The following GRM5 variants were observed in gnomAD, a reference collection of about 807,000 sequenced individuals.
GRM5 encodes the protein glutamate metabotropic receptor 5.
A neutral mutation model predicts 83.1 loss-of-function variants in GRM5; 19 were observed. That is an observed-to-expected ratio of 0.23 (90% CI 0.16 to 0.34). The LOEUF (loss-of-function observed/expected upper bound fraction) is 0.34. Among genes scored for constraint, GRM5 ranks in the 10% least tolerant of loss-of-function variants. GRM5 has a pLI of 1.00. For missense variants in GRM5, 1,160 were observed against 1,588.3 expected, an observed-to-expected ratio of 0.73 and a Z score of 4.58; for synonymous variants, 675 against 633.6, an observed-to-expected ratio of 1.07 and a Z score of -0.98.
At chr11:88,811,402 T>G (rs1314367353) in intron 3 of GRM5, among the ~76,000 whole-genome samples, 1 of 152,140 alleles carries the variant, frequency 6.6e-6, no homozygotes, top group Admixed American at 6.6e-5. Flanking sequence ...GTTTGAATAT[T>G]TTATAACAAA....
chr11:88,673,125 G>C (rs1263515321), intron 3 of GRM5, among the ~76,000 whole-genome samples: 1 of 151,908 alleles, frequency 6.6e-6, no homozygotes, highest in East Asian at 1.9e-4. Context: ...TTTTATAGAT[G>C]ACTCTTATTT....
At chr11:88,683,455 A>C (rs1940546004) in intron 3 of GRM5, among the ~76,000 whole-genome samples, 1 of 152,126 alleles carries the variant, frequency 6.6e-6, no homozygotes, top group Non-Finnish European at 1.5e-5. Flanking sequence ...TTATAAATTG[A>C]TTTTCCTTCT....
chr11:88,631,678 T>C (rs1284834424), intron 4 of GRM5, among the ~76,000 whole-genome samples: 1 of 152,174 alleles, frequency 6.6e-6, no homozygotes, highest in Admixed American at 6.6e-5. Flanking sequence ...TCACTCCTGT[T>C]CATTTCACAG....
At chr11:88,948,302 C>T (rs1216438239) in intron 2 of GRM5, among the ~76,000 whole-genome samples, 1 of 152,098 alleles carries the variant, frequency 6.6e-6, no homozygotes, top group African/African-American at 2.4e-5. Flanking sequence ...GGTATTCAAA[C>T]CAGTTTGAGT....
chr11:88,844,147 G>T (rs1944256311), intron 3 of GRM5, among the ~76,000 whole-genome samples: 1 of 152,124 alleles, frequency 6.6e-6, no homozygotes, highest in Non-Finnish European at 1.5e-5. Context: ...ATTGTCAAAG[G>T]ACAGACTAAC....
chr11:88,704,808 T>G (rs1941116953), intron 3 of GRM5, among the ~76,000 whole-genome samples: 2 of 152,066 alleles, frequency 1.3e-5, no homozygotes, highest in Non-Finnish European at 2.9e-5. Context: ...TTTTCTGTTC[T>G]CTCCTAACTA....
At chr11:88,878,089 T>C (rs768050351) in intron 2 of GRM5, among the ~76,000 whole-genome samples, 25 of 151,852 alleles carry the variant, frequency 1.6e-4, no homozygotes, top group South Asian at 4.2e-4. Context: ...CCAAGAGAAA[T>C]AGCAATTTAT....
At chr11:88,630,307 T>G (rs1938927357) in intron 4 of GRM5, among the ~76,000 whole-genome samples, 1 of 152,194 alleles carries the variant, frequency 6.6e-6, no homozygotes, top group Non-Finnish European at 1.5e-5. Context: ...TCTGTTTTGT[T>G]TACTTCTGTA....
At position 88,761,729 on chromosome 11, in the gene GRM5, A is replaced by G. The variant is rs553501144; in HGVS notation, c.911+88177T>C. ...TTAAAATTCATCTGGAACCAAAAAA[A>G]GGTTCCGAATAGCCAAGACAATTCC... On this transcript the variant is annotated intron_variant, in intron 3 of 9. Coordinates refer to ENST00000305447, the MANE Select transcript of GRM5 (RefSeq NM_001143831.3). Among the ~76,000 whole-genome samples, 3 of 152,174 alleles carry G rather than the reference A, an allele frequency of 2.0e-5. No homozygotes were observed. In the South Asian group the frequency reaches 6.2e-4, roughly 32 times the overall value.
At chr11:88,756,468 G>A (rs533861381) in intron 3 of GRM5, among the ~76,000 whole-genome samples, 27 of 152,148 alleles carry the variant, frequency 1.8e-4, no homozygotes, top group Admixed American at 1.6e-3. Context: ...TATAAAATAA[G>A]AGATAAGACA....
At chr11:89,036,675 CCCCAAAG>C (rs1941393656) in intron 2 of GRM5, among the ~76,000 whole-genome samples, 2 of 29,434 alleles carry the variant, frequency 6.8e-5, no homozygotes, top group Non-Finnish European at 1.3e-4. Flanking sequence ...CTCAAATTTG[CCCCAAAG>C]TCCCTCAACT....
intron 2 of GRM5, among the ~76,000 whole-genome samples, chr11:89,039,004 G>A (rs1941461827): frequency 1.3e-5 from 2 of 152,072 alleles, no homozygotes; most frequent in South Asian, 2.1e-4. Context: ...GGTGGCTCAC[G>A]TCTGTGATCC....
chr11:88,841,338 T>A (rs1411710794), intron 3 of GRM5, among the ~76,000 whole-genome samples: 1 of 152,306 alleles, frequency 6.6e-6, no homozygotes, highest in East Asian at 1.9e-4. Context: ...GCCAAATATC[T>A]TTGTAAAATT....
At chr11:88,824,752 G>T (rs1378136273) in intron 3 of GRM5, among the ~76,000 whole-genome samples, 3 of 152,174 alleles carry the variant, frequency 2.0e-5, no homozygotes, top group Admixed American at 1.3e-4. Flanking sequence ...ACAGGCCACA[G>T]ACCTGTACTG....
intron 2 of GRM5, among the ~76,000 whole-genome samples, chr11:88,909,020 C>T (rs1325459782): frequency 2.6e-5 from 4 of 152,144 alleles, no homozygotes; most frequent in East Asian, 1.9e-4. Flanking sequence ...ACTTTGAGGC[C>T]GAAGTCCTTT....
At chr11:88,840,126 A>G (rs1241780359) in intron 3 of GRM5, among the ~76,000 whole-genome samples, 1 of 152,256 alleles carries the variant, frequency 6.6e-6, no homozygotes, top group African/African-American at 2.4e-5. Context: ...TTAACTTAAC[A>G]CATTTAAGGA....
At chr11:89,054,206 G>A (rs1941823076) in intron 1 of GRM5, among the ~76,000 whole-genome samples, 1 of 152,164 alleles carries the variant, frequency 6.6e-6, no homozygotes, top group Non-Finnish European at 1.5e-5. Flanking sequence ...GTAAGTACAA[G>A]TGGTGAGAAC....
At chr11:88,855,188 T>C (rs964259519) in intron 2 of GRM5, among the ~76,000 whole-genome samples, 2 of 151,954 alleles carry the variant, frequency 1.3e-5, no homozygotes, top group Non-Finnish European at 2.9e-5. Context: ...GTATCTTTAC[T>C]TCTCTTTCCA....
At chr11:88,970,140 A>T (rs1442684479) in intron 2 of GRM5, among the ~76,000 whole-genome samples, 1 of 152,124 alleles carries the variant, frequency 6.6e-6, no homozygotes, top group African/African-American at 2.4e-5. Flanking sequence ...TTATAAAGAT[A>T]ATATTAGTTT....
Sources: allele counts gnomAD v4.1 joint callset (sites outside exome capture counted in the v4.1 genomes callset), GRCh38; gene constraint gnomAD v4.1.1; transcripts MANE v1.5; gene names NCBI Gene and HGNC (gene_info 2026-07-23, HGNC 2026-07-21).